LRP1B: variants seen among roughly 807,000 people sequenced by gnomAD.
LRP1B encodes the protein low-density lipoprotein receptor-related protein 1B.
LRP1B carries 217 observed loss-of-function variants against 556.6 expected under a neutral mutation model. The ratio of observed to expected loss-of-function variants is 0.39; its 90% CI spans 0.35 to 0.44. LRP1B has a LOEUF of 0.44. Among genes scored for constraint, LRP1B ranks in the 20% least tolerant of loss-of-function variants. The pLI is 1.00. For synonymous variants in LRP1B, 2,047 were observed against 1,865.8 expected (o/e 1.10, Z -2.50); for missense variants, 5,053 against 5,620.8 (o/e 0.90, Z 3.23).
intron 35 of LRP1B, among the ~76,000 whole-genome samples, chr2:140,727,612 T>C (rs2105489602): frequency 6.6e-6 from 1 of 152,296 alleles, no homozygotes; most frequent in Non-Finnish European, 1.5e-5. Flanking sequence ...CAAGTTCAGG[T>C]AAAGGACCAA....
chr2:141,597,992 G>T (rs994388885), intron 2 of LRP1B, among the ~76,000 whole-genome samples: 55 of 152,136 alleles, frequency 3.6e-4, no homozygotes, highest in African/African-American at 1.3e-3. Flanking sequence ...AAAAGAAAAT[G>T]GCCTACACTG....
intron 17 of LRP1B, among the ~76,000 whole-genome samples, chr2:140,984,960 C>CTG (rs1558782311): frequency 6.6e-6 from 1 of 152,026 alleles, no homozygotes; most frequent in East Asian, 1.9e-4. Flanking sequence ...AAAACAAACT[C>CTG]ACAACATTCA....
At chr2:141,012,579 T>C (rs1697786915) in intron 14 of LRP1B, among the ~76,000 whole-genome samples, 1 of 151,988 alleles carries the variant, frequency 6.6e-6, no homozygotes, top group African/African-American at 2.4e-5. Flanking sequence ...TAAAAGATAA[T>C]TTTATCTTTT....
At chr2:141,782,805 C>A (rs1394187380) in intron 2 of LRP1B, among the ~76,000 whole-genome samples, 2 of 152,100 alleles carry the variant, frequency 1.3e-5, no homozygotes, top group South Asian at 4.1e-4. Flanking sequence ...TTTTCCCCCA[C>A]ATTTCAATTC....
intron 43 of LRP1B, among the ~76,000 whole-genome samples, chr2:140,578,518 T>C (rs1229096303): frequency 6.6e-6 from 1 of 152,212 alleles, no homozygotes; most frequent in Non-Finnish European, 1.5e-5. Flanking sequence ...GCTCAAGGCC[T>C]TTGCATTTGC....
At chr2:141,327,533 T>C (rs1032923333) in intron 3 of LRP1B, among the ~76,000 whole-genome samples, 3 of 152,208 alleles carry the variant, frequency 2.0e-5, no homozygotes, top group African/African-American at 4.8e-5. Flanking sequence ...ATCTATATTT[T>C]TCAGAAAACA....
chr2:140,651,974 A>G (rs1684705090), intron 41 of LRP1B, among the ~76,000 whole-genome samples: 2 of 152,220 alleles, frequency 1.3e-5, no homozygotes, highest in South Asian at 2.1e-4. Flanking sequence ...TTTCTTGAAT[A>G]TGGGTAAGCA....
intron 3 of LRP1B, among the ~76,000 whole-genome samples, chr2:141,377,055 G>T (rs966819749): frequency 1.3e-5 from 2 of 152,136 alleles, no homozygotes; most frequent in Non-Finnish European, 2.9e-5. Context: ...AAGGAAGGCG[G>T]GTGTTTCTAT....
At chr2:141,306,465 T>C (rs1196189720) in intron 3 of LRP1B, among the ~76,000 whole-genome samples, 1 of 152,148 alleles carries the variant, frequency 6.6e-6, no homozygotes, top group Non-Finnish European at 1.5e-5. Context: ...TTCTGTGATA[T>C]CAGTTGTAAT....
At chr2:141,788,810 C>T (rs866795717) in intron 2 of LRP1B, among the ~76,000 whole-genome samples, 7 of 151,510 alleles carry the variant, frequency 4.6e-5, no homozygotes, top group African/African-American at 1.7e-4. Flanking sequence ...GCCCTTGCGA[C>T]AGTTTGCTAA....
chr2:142,049,621 T>C (rs1342809212), intron 1 of LRP1B, among the ~76,000 whole-genome samples: 1 of 152,120 alleles, frequency 6.6e-6, no homozygotes, highest in African/African-American at 2.4e-5. Flanking sequence ...TTAATTATAA[T>C]GCCTCACGAT....
chr2:141,195,884 G>A (rs999570131), intron 6 of LRP1B, among the ~76,000 whole-genome samples: 4 of 151,994 alleles, frequency 2.6e-5, no homozygotes, highest in Non-Finnish European at 5.9e-5. Flanking sequence ...GGCTGTTTAG[G>A]GAAGCCATCC....
chr2:140,632,890 T>G, intron 41 of LRP1B, among the ~76,000 whole-genome samples: 1 of 151,756 alleles, frequency 6.6e-6, no homozygotes, highest in Admixed American at 6.6e-5. Flanking sequence ...GGTGAAACCC[T>G]GTCTCCACTA....
chr2:141,374,808 C>A (rs1689368035), intron 3 of LRP1B, among the ~76,000 whole-genome samples: 1 of 152,100 alleles, frequency 6.6e-6, no homozygotes, highest in African/African-American at 2.4e-5. Context: ...TCAGATTTTT[C>A]TTATATCACA....
In LRP1B at chr2:140,467,448, T is replaced by TA. The variant is rs879382157; in HGVS notation, c.9625+7689dup. Reference sequence around the variant, plus strand: ...GTGAAACCCCATCTCTAGTAAAAATTAAAAAAAAAAAAAATTTGCTGGGCC... The same window carrying TA: ...GTGAAACCCCATCTCTAGTAAAAATTAAAAAAAAAAAAAAATTTGCTGGGCC... On this transcript the variant is annotated intron_variant, in intron 60 of 90. Coordinates refer to ENST00000389484, the MANE Select transcript of LRP1B (RefSeq NM_018557.3). Among the ~76,000 whole-genome samples, 107 of 135,632 alleles carry TA rather than the reference T, an allele frequency of 7.9e-4. No individual in the cohort carries two copies. In the Middle Eastern group the frequency reaches 0.011, roughly 14 times the overall value. The allele number at this position is 135,632 out of a possible 152,430, so 89.0% of individuals were successfully genotyped here. A position where few individuals can be genotyped will look rare whatever the true frequency, so the allele number is the denominator to read the frequency against.
At chr2:140,289,216 G>A (rs1683277562) in intron 84 of LRP1B, among the ~76,000 whole-genome samples, 1 of 151,862 alleles carries the variant, frequency 6.6e-6, no homozygotes, top group African/African-American at 2.4e-5. Context: ...ACAATTATGT[G>A]AAAAATAATG....
chr2:140,672,117 G>T lies in LRP1B; in HGVS notation c.6799+28133C>A, dbSNP rs79496703. Among the ~76,000 whole-genome samples the T allele has an allele frequency of 2.6e-5, 4 of 152,168 alleles. No homozygotes were observed. The South Asian group carries it at 8.3e-4, about 32-fold the overall frequency. Reference sequence around the variant, plus strand: ...AACTAGAAAATAAGTTATCTGTTCCGAAAATACAATGTGGGACAAGTATAG... The same window carrying T: ...AACTAGAAAATAAGTTATCTGTTCCTAAAATACAATGTGGGACAAGTATAG... On this transcript the variant is annotated intron_variant, in intron 41 of 90. Transcript: ENST00000389484.
At chr2:141,626,678 G>A (rs1688713036) in intron 2 of LRP1B, among the ~76,000 whole-genome samples, 1 of 152,122 alleles carries the variant, frequency 6.6e-6, no homozygotes, top group Admixed American at 6.5e-5. Context: ...AAAGAAGATG[G>A]CAAATAGTAT....
intron 35 of LRP1B, among the ~76,000 whole-genome samples, chr2:140,755,575 A>G (rs935197343): frequency 6.6e-6 from 1 of 151,992 alleles, no homozygotes; most frequent in Non-Finnish European, 1.5e-5. Flanking sequence ...CAAAAGGTAT[A>G]TGATCATCTC....
Sources: gnomAD v4.1 joint callset for allele counts (sites outside exome capture counted in the v4.1 genomes callset) on GRCh38, gnomAD v4.1.1 for gene constraint, MANE v1.5 for transcripts, NCBI Gene and HGNC (gene_info 2026-07-23, HGNC 2026-07-21) for gene names.